LRRTM1: variants seen among roughly 807,000 people sequenced by gnomAD.
LRRTM1 encodes leucine rich repeat transmembrane neuronal 1, also known as leucine-rich repeat transmembrane neuronal protein 1.
In LRRTM1, 8 loss-of-function variants were observed where a neutral mutation model predicts 37.3. The observed-to-expected ratio is 0.21, with a 90% CI of 0.13 to 0.39. The LOEUF is 0.39. Among genes scored for constraint, LRRTM1 ranks in the 10% least tolerant of loss-of-function variants. LRRTM1 has a pLI of 1.00. For missense variants in LRRTM1, 557 were observed against 691.0 expected (o/e 0.81, Z 2.17); for synonymous variants, 326 against 316.8 (o/e 1.03, Z -0.31).
Position 80,303,015 on chromosome 2 carries a change from C to G in LRRTM1, c.805G>C (p.Glu269Gln), listed in dbSNP as rs1435641036. 5.0e-5 allele frequency: 80 copies of G among 1,613,680 alleles called. No homozygotes were observed. The highest frequency in any genetic ancestry group is 6.4e-5 in the Non-Finnish European group (75 of 1,180,002). ...EKMDLSGNEI[E>Q]YMEPHVFETV... is the part of the protein sequence containing the mutation. ...TCGAACACATGGGGCTCCATGTACT[C>G]GATCTCGTTGCCCGACAAGTCCATT... Residue 269 changes from glutamate (E) to glutamine (Q), a missense_variant, in exon 2 of 2, where the codon GAG (glutamate) becomes CAG (glutamine). Physicochemically the swap from Glu to Gln is conservative, Grantham distance 29 (BLOSUM62 2). Coordinates refer to ENST00000295057, the MANE Select transcript of LRRTM1 (RefSeq NM_178839.5). The surrounding 1 kb of genome is among the most constrained non-coding windows in gnomAD (Gnocchi z 7.7).
intron 2 of LRRTM1, among the ~76,000 whole-genome samples, chr2:80,291,907 A>T (rs1008959312): frequency 6.6e-6 from 1 of 152,240 alleles, no homozygotes; most frequent in African/African-American, 2.4e-5. Flanking sequence ...GAACCAGAAC[A>T]AAGTCAGTGA....
At chr2:80,296,993 A>G (rs1456967348), downstream of LRRTM1, among the ~76,000 whole-genome samples, 1 of 152,122 alleles carries the variant, frequency 6.6e-6, no homozygotes, top group Non-Finnish European at 1.5e-5. Context: ...TCTCTACTTT[A>G]CTCTCTCTGA....
rs1414032530 is a variant in LRRTM1 at position 80,303,026 on chromosome 2, C to T, written c.794G>A (p.Gly265Asp). Residue 265 changes from glycine (G) to aspartate (D), a missense_variant, in exon 2 of 2, where the codon GGC becomes GAC. Around this residue, in one of 5 missense-constraint regions of LRRTM1, gnomAD observed 200 missense variants for 249.9 expected, o/e 0.80. Transcript: ENST00000295057. This position sits in a 1 kb window ranked among gnomAD's most constrained non-coding sequence, Gnocchi z 7.7. ...GGGCTCCATGTACTCGATCTCGTTG[C>T]CCGACAAGTCCATTTTCTCCAGGTT... ...VWNLEKMDLS[G>D]NEIEYMEPHV... The T allele has an allele frequency of 1.2e-6, 2 of 1,613,614 alleles. No homozygotes were observed. Among genetic ancestry groups the T allele is most frequent in the Non-Finnish European group, 1.7e-6 (2 of 1,179,974 alleles).
downstream of LRRTM1, chr2:80,299,487 G>GAC (rs1676052902): frequency 6.6e-6 from 1 of 151,952 alleles, no homozygotes; most frequent in Non-Finnish European, 1.5e-5. Context: ...GAAACATACA[G>GAC]ACACACACAC....
chr2:80,300,278 TGG>T (rs770942821), downstream of LRRTM1, among the ~76,000 whole-genome samples: 2,542 of 71,048 alleles, frequency 0.036, 68 homozygotes, highest in Middle Eastern at 0.091. Context: ...GCTGGGGTGT[TGG>T]GGTGTGTGTG....
Position 80,291,666 on chromosome 2 carries a change from G to A in LRRTM1, c.*307-2471C>T, listed in dbSNP as rs920439744. 6.6e-5 allele frequency among the ~76,000 whole-genome samples: 10 copies of A among 152,182 alleles called. No homozygotes were observed. The South Asian group carries it at 2.1e-3, about 32-fold the overall frequency. ...ATATTAAATAAGAGTTTGGGGCTTG[G>A]ATAACAATTGCAAGCTGGGTAGCAG... On this transcript the variant is annotated intron_variant and NMD_transcript_variant, in intron 2 of 2. Coordinates refer to the LRRTM1 transcript ENST00000417012.
intron 2 of LRRTM1, among the ~76,000 whole-genome samples, chr2:80,293,600 G>A (rs988518205): frequency 1.3e-5 from 2 of 152,076 alleles, no homozygotes; most frequent in Admixed American, 6.5e-5. Context: ...TATGCTACCC[G>A]TCTGTTTAAG....
downstream of LRRTM1, among the ~76,000 whole-genome samples, chr2:80,300,386 C>A (rs968522916): frequency 1.3e-5 from 2 of 151,310 alleles, no homozygotes; most frequent in Admixed American, 6.6e-5. Flanking sequence ...CAAAATATTT[C>A]TCTTGAAAGA....
rs1453648227 is a variant in LRRTM1, at chr2:80,304,653, A to G, written c.-561T>C. ...GGCGGCGGGCGGTGGGGAGGTGCGG[A>G]CGGCGGCGCGGGGAGCGGCGAGCGG... On this transcript the variant is annotated 5_prime_UTR_variant, in exon 1 of 2. Coordinates refer to ENST00000295057, the MANE Select transcript of LRRTM1 (RefSeq NM_178839.5). 6.5e-6 allele frequency: 1 copy of G among 153,010 alleles called. No individual in the cohort carries two copies. Among genetic ancestry groups the G allele is most frequent in the African/African-American group, 2.4e-5 (1 of 41,282 alleles). 9.5% of individuals were successfully genotyped at this position (153,010 alleles called of 1,614,324 possible). A position where few individuals can be genotyped will look rare whatever the true frequency, so the allele number is the denominator to read the frequency against.
chr2:80,302,021 T>C lies in LRRTM1; in HGVS notation c.*230A>G, dbSNP rs1676368539. On this transcript the variant is annotated 3_prime_UTR_variant, in exon 2 of 2. Transcript: ENST00000295057. The surrounding 1 kb of genome is among the most constrained non-coding windows in gnomAD (Gnocchi z 6.4). ...AGGAGTTCTCATATGAAATTTAAGA[T>C]AGACTGTCCTGAAGGTTGTGGGGTG... The C allele has an allele frequency of 4.2e-6, 2 of 479,446 alleles. No individual in the cohort carries two copies. Among genetic ancestry groups the C allele is most frequent in the East Asian group, 3.4e-5 (1 of 29,850 alleles). The allele number at this position is 479,446 out of a possible 1,614,324, so 29.7% of individuals were successfully genotyped here.
chr2:80,296,167 A>G (rs886136895), intron 2 of LRRTM1, among the ~76,000 whole-genome samples: 14 of 152,188 alleles, frequency 9.2e-5, no homozygotes, highest in Non-Finnish European at 7.3e-5. Flanking sequence ...AAAATGAGGT[A>G]TCTATCACCT....
chr2:80,291,556 CT>C (rs1289542142), intron 2 of LRRTM1, among the ~76,000 whole-genome samples: 1 of 152,196 alleles, frequency 6.6e-6, no homozygotes, highest in Non-Finnish European at 1.5e-5. Flanking sequence ...AAAGAAAAAG[CT>C]TCTTTAAATA....
intron 2 of LRRTM1, among the ~76,000 whole-genome samples, chr2:80,293,184 C>T (rs1412563063): frequency 6.6e-6 from 1 of 152,146 alleles, no homozygotes; most frequent in African/African-American, 2.4e-5. Flanking sequence ...GACAGAATTG[C>T]CTTGGCCAGC....
At position 80,302,666 on chromosome 2, in the gene LRRTM1, C is replaced by T. The variant is rs1280311753; in HGVS notation, c.1154G>A (p.Gly385Glu). Residue 385 changes from glycine to glutamate, a missense_variant, in exon 2 of 2, where the codon GGG becomes GAG. By Grantham distance (98) the Gly-to-Glu change is moderately conservative (BLOSUM62 -2). Transcript: ENST00000295057. This position sits in a 1 kb window ranked among gnomAD's most constrained non-coding sequence, Gnocchi z 6.4. ...CGTGGTGGCCGAGCTGGCAGGGGGCCCCAGATCACTGCGGTTGGTGACGGC... is the reference window on the plus strand; with the variant it reads ...CGTGGTGGCCGAGCTGGCAGGGGGCTCCAGATCACTGCGGTTGGTGACGGC... ...LSAVTNRSDL[G>E]PPASSATTLA... 1 of 1,611,360 alleles carries T rather than the reference C, an allele frequency of 6.2e-7. No homozygotes were observed. Among genetic ancestry groups the T allele is most frequent in the Admixed American group, 1.7e-5 (1 of 59,966 alleles).
chr2:80,296,154 T>C (rs1030425520), intron 2 of LRRTM1, among the ~76,000 whole-genome samples: 1 of 152,204 alleles, frequency 6.6e-6, no homozygotes, highest in Non-Finnish European at 1.5e-5. Context: ...AATTGCATCA[T>C]GGAAAATGAG....
rs1053728728 is a variant in LRRTM1 at position 80,303,886 on chromosome 2, A to G, written c.-59-8T>C. On this transcript the variant is annotated splice_region_variant and splice_polypyrimidine_tract_variant and intron_variant, in intron 1 of 1. Transcript: ENST00000295057. The surrounding 1 kb of genome is among the most constrained non-coding windows in gnomAD (Gnocchi z 7.7). The stretch of plus-strand genomic sequence containing the variant: ...AAGCGCTCGGTCAGAAATCTACATC[A>G]TATTTTATTCCGAGGGAGGGGAAGC... 1.6e-5 allele frequency: 24 copies of G among 1,456,352 alleles called. No individual in the cohort carries two copies. The highest frequency in any genetic ancestry group is 2.2e-5 in the Non-Finnish European group (24 of 1,101,936). The allele number at this position is 1,456,352 out of a possible 1,614,324, so 90.2% of individuals were successfully genotyped here. A position where few individuals can be genotyped will look rare whatever the true frequency, so the allele number is the denominator to read the frequency against.
chr2:80,302,631 C>G lies in LRRTM1; in HGVS notation c.1189G>C (p.Gly397Arg). Residue 397 changes from glycine to arginine, a missense_variant, in exon 2 of 2, where the codon GGC becomes CGC. By Grantham distance (125) the Gly-to-Arg change is moderately radical (BLOSUM62 -2). Transcript: ENST00000295057. This position sits in a 1 kb window ranked among gnomAD's most constrained non-coding sequence, Gnocchi z 6.4. ...PASSATTLAD[G>R]GEGQHDGTFE... ...GTGCCGTCGTGCTGCCCCTCCCCGC[C>G]GTCCGCGAGCGTGGTGGCCGAGCTG... 1 of 1,606,674 alleles carries G rather than the reference C, an allele frequency of 6.2e-7. No homozygotes were observed. The highest frequency in any genetic ancestry group is 8.5e-7 in the Non-Finnish European group (1 of 1,178,364).
At chr2:80,299,970 T>C (rs1189742454), downstream of LRRTM1, among the ~76,000 whole-genome samples, 1 of 152,136 alleles carries the variant, frequency 6.6e-6, no homozygotes, top group Non-Finnish European at 1.5e-5. Context: ...TTTTTTGTTT[T>C]CTAAAAAAGG....
downstream of LRRTM1, among the ~76,000 whole-genome samples, chr2:80,301,081 C>T (rs1309714184): frequency 6.6e-6 from 1 of 152,146 alleles, no homozygotes; most frequent in East Asian, 1.9e-4. Context: ...TATCTTCTCC[C>T]ACTCTCCCCA....
Sources: allele counts gnomAD v4.1 joint callset (sites outside exome capture counted in the v4.1 genomes callset), GRCh38; gene constraint gnomAD v4.1.1; regional missense constraint gnomAD v4.1.1; non-coding constraint Gnocchi (gnomAD v3.1); transcripts MANE v1.5; gene names NCBI Gene and HGNC (gene_info 2026-07-23, HGNC 2026-07-21).